The following SPTLC2 variants were observed in gnomAD, a reference collection of about 807,000 sequenced individuals.
SPTLC2 encodes serine palmitoyltransferase 2.
A neutral mutation model predicts 62.0 loss-of-function variants in SPTLC2; 21 were observed. The observed-to-expected ratio is 0.34, with a 90% CI of 0.24 to 0.49. The LOEUF is 0.49. Ranked by LOEUF, SPTLC2 falls within the 20% of genes least tolerant of loss-of-function variation. SPTLC2 has a pLI of 0.99. For missense variants in SPTLC2, 511 were observed against 713.0 expected (o/e 0.72, Z 3.23); for synonymous variants, 261 against 261.8 (o/e 1.00, Z 0.03).
intron 5 of SPTLC2, among the ~76,000 whole-genome samples, chr14:77,566,837 A>G (rs1013014375): frequency 9.3e-5 from 14 of 151,110 alleles, no homozygotes; most frequent in Non-Finnish European, 1.8e-4. Context: ...CCACCCTGCC[A>G]TCAAACTGAG....
intron 4 of SPTLC2, among the ~76,000 whole-genome samples, chr14:77,574,658 A>C (rs937043127): frequency 1.3e-5 from 2 of 152,250 alleles, no homozygotes; most frequent in Non-Finnish European, 1.5e-5. Flanking sequence ...ATTATTATTC[A>C]GTCATAGAAA....
intron 1 of SPTLC2, among the ~76,000 whole-genome samples, chr14:77,598,041 G>C (rs2079857550): frequency 6.7e-6 from 1 of 148,834 alleles, no homozygotes; most frequent in South Asian, 2.1e-4. Flanking sequence ...AGAATTGCTT[G>C]AACCTTGGAG....
At chr14:77,610,180 G>A (rs563758113) in intron 1 of SPTLC2, among the ~76,000 whole-genome samples, 7 of 151,914 alleles carry the variant, frequency 4.6e-5, no homozygotes, top group Non-Finnish European at 8.8e-5. Flanking sequence ...TCTCACTGTC[G>A]CCCAAGCTGA....
intron 2 of SPTLC2, among the ~76,000 whole-genome samples, chr14:77,587,007 C>T (rs1352772059): frequency 1.3e-5 from 2 of 151,918 alleles, no homozygotes; most frequent in Non-Finnish European, 1.5e-5. Context: ...AGGCAGATCA[C>T]GAGGTCAGGA....
At chr14:77,535,750 C>A in intron 9 of SPTLC2, 1 of 325,276 alleles carries the variant, frequency 3.1e-6, no homozygotes, top group African/African-American at 2.2e-5. Context: ...TTCAGCATTG[C>A]TTATTTAATT....
rs540633894 is a variant in SPTLC2 at position 77,592,831 on chromosome 14, T to A, written c.327+4355A>T. ...CTCCCACTTATAAGTGAGAACAGGC[T>A]AGGCACGGTGGCTCACTCCTGTAAT... On this transcript the variant is annotated intron_variant, in intron 2 of 11. Transcript: ENST00000216484. Among the ~76,000 whole-genome samples the A allele has an allele frequency of 2.8e-4, 42 of 152,262 alleles. 1 individual carries two copies. Among genetic ancestry groups the A allele is most frequent in the Admixed American group, 2.6e-3 (39 of 15,282 alleles).
chr14:77,558,626 G>GTTT (rs11412876), intron 6 of SPTLC2, among the ~76,000 whole-genome samples: 7 of 143,704 alleles, frequency 4.9e-5, no homozygotes, highest in Admixed American at 7.0e-5. Context: ...CAGTTTTTTT[G>GTTT]TTTTTTTTTT....
chr14:77,529,620 C>CTTT lies in SPTLC2; in HGVS notation c.1304-8042_1304-8040dup, dbSNP rs71452856. On this transcript the variant is annotated intron_variant, in intron 9 of 11. Coordinates refer to ENST00000216484, the MANE Select transcript of SPTLC2 (RefSeq NM_004863.4). ...TTCTAGGAAAGCAATTTCTTTCTTT[C>CTTT]TTTTTTTTTTTTTTTTTTTTTTGAG... Among the ~76,000 whole-genome samples, 379 of 75,792 alleles carry CTTT rather than the reference C, an allele frequency of 5.0e-3. 5 individuals are homozygous for CTTT. Among genetic ancestry groups the CTTT allele is most frequent in the South Asian group, 9.9e-3 (17 of 1,722 alleles). The allele number at this position is 75,792 out of a possible 152,430, so 49.7% of individuals were successfully genotyped here.
At chr14:77,568,879 G>C (rs942746311) in intron 5 of SPTLC2, among the ~76,000 whole-genome samples, 2 of 150,832 alleles carry the variant, frequency 1.3e-5, no homozygotes, top group African/African-American at 2.4e-5. Context: ...ACTTCTTTTA[G>C]TTTCATCAAT....
chr14:77,521,960 A>C (rs2079386992), intron 9 of SPTLC2, among the ~76,000 whole-genome samples: 1 of 152,202 alleles, frequency 6.6e-6, no homozygotes, highest in Non-Finnish European at 1.5e-5. Flanking sequence ...ACATGCCTAC[A>C]GTTGCACAAT....
intron 2 of SPTLC2, among the ~76,000 whole-genome samples, chr14:77,595,808 A>G (rs183230814): frequency 6.6e-6 from 1 of 152,178 alleles, no homozygotes; most frequent in Admixed American, 6.5e-5. Flanking sequence ...CCTCGGACGC[A>G]CAGGAACCAC....
Position 77,509,505 on chromosome 14 carries a change from A to G in SPTLC2, c.*2779T>C, listed in dbSNP as rs1330397239. 3.9e-5 allele frequency: 7 copies of G among 181,496 alleles called. No individual in the cohort carries two copies. In the East Asian group the frequency reaches 5.5e-4, roughly 14 times the overall value. The allele number at this position is 181,496 out of a possible 1,614,324, so 11.2% of individuals were successfully genotyped here. ...CTAAGGACTAGTCACACCTCTATCA[A>G]TCGACTCAGATGATCAGTTTTGGTA... On this transcript the variant is annotated 3_prime_UTR_variant, in exon 12 of 12. Coordinates refer to ENST00000216484, the MANE Select transcript of SPTLC2 (RefSeq NM_004863.4).
chr14:77,538,006 A>G (rs17105922), intron 9 of SPTLC2, among the ~76,000 whole-genome samples: 29,989 of 152,052 alleles, frequency 0.2, 3,823 homozygotes, highest in African/African-American at 0.36. Context: ...GTTGTTTCCA[A>G]TTCTCCATTT....
intron 4 of SPTLC2, among the ~76,000 whole-genome samples, chr14:77,574,171 G>C (rs1274443021): frequency 2.6e-5 from 4 of 152,150 alleles, no homozygotes; most frequent in Non-Finnish European, 5.9e-5. Flanking sequence ...GCAGCCACAG[G>C]AAACTAATAC....
intron 9 of SPTLC2, among the ~76,000 whole-genome samples, chr14:77,529,826 T>C (rs182897244): frequency 1.3e-5 from 2 of 152,000 alleles, no homozygotes; most frequent in East Asian, 3.9e-4. Context: ...CTTCACCATG[T>C]TGGCCAGGCT....
At chr14:77,598,276 A>G (rs1229382856) in intron 1 of SPTLC2, among the ~76,000 whole-genome samples, 1 of 152,216 alleles carries the variant, frequency 6.6e-6, no homozygotes, top group Non-Finnish European at 1.5e-5. Flanking sequence ...GCATAAGAAC[A>G]CCACCTAACA....
intron 9 of SPTLC2, among the ~76,000 whole-genome samples, chr14:77,531,492 C>T (rs2079440010): frequency 3.0e-5 from 3 of 99,948 alleles, no homozygotes; most frequent in Admixed American, 2.3e-4. Flanking sequence ...CCTCCTCCTC[C>T]TCCTCCTCCT....
chr14:77,527,802 AG>A (rs1250903689), intron 9 of SPTLC2, among the ~76,000 whole-genome samples: 1 of 152,202 alleles, frequency 6.6e-6, no homozygotes, highest in Admixed American at 6.5e-5. Flanking sequence ...ATATAAAGGC[AG>A]CAGACATTTT....
intron 9 of SPTLC2, among the ~76,000 whole-genome samples, chr14:77,531,413 C>T (rs1325842037): frequency 7.5e-6 from 1 of 132,588 alleles, no homozygotes; most frequent in Non-Finnish European, 1.6e-5. Flanking sequence ...TTCACAGGGA[C>T]CATGACTTTC....
Sources: gnomAD v4.1 joint callset for allele counts (sites outside exome capture counted in the v4.1 genomes callset) on GRCh38, gnomAD v4.1.1 for gene constraint, MANE v1.5 for transcripts, NCBI Gene and HGNC (gene_info 2026-07-23, HGNC 2026-07-21) for gene names.